Variants in TMEM117 observed in about 807,000 individuals in gnomAD.
TMEM117 encodes transmembrane protein 117.
In TMEM117, 27 loss-of-function variants were observed where a neutral mutation model predicts 52.4. The observed-to-expected ratio is 0.51, with a 90% CI of 0.38 to 0.71. The LOEUF is 0.71. TMEM117 is among the 30% of genes least tolerant of loss of function. TMEM117 has a pLI of 0.00. For missense variants in TMEM117, 556 were observed against 630.5 expected (o/e 0.88, Z 1.26); for synonymous variants, 215 against 206.3 (o/e 1.04, Z -0.36).
At position 44,304,762 on chromosome 12, in the gene TMEM117, A is replaced by G. The variant is rs144109225; in HGVS notation, c.768+5023A>G. ...GAAGGACTCAGTCCTGGCAAGATTA[A>G]TCACCCATTGTCTAAAGGGCCCTTG... On this transcript the variant is annotated intron_variant, in intron 6 of 7. Coordinates refer to ENST00000266534, the MANE Select transcript of TMEM117 (RefSeq NM_032256.3). Among the ~76,000 whole-genome samples the G allele has an allele frequency of 2.3e-4, 35 of 152,294 alleles. No individual in the cohort carries two copies. The East Asian group carries it at 6.4e-3, about 28-fold the overall frequency.
At chr12:43,956,275 A>G (rs1382345171) in intron 3 of TMEM117, among the ~76,000 whole-genome samples, 1 of 152,196 alleles carries the variant, frequency 6.6e-6, no homozygotes, top group African/African-American at 2.4e-5. Flanking sequence ...TTGCAACAAA[A>G]GCAAAAATTG....
chr12:44,340,000 C>T (rs552575703), intron 6 of TMEM117, among the ~76,000 whole-genome samples: 7 of 151,886 alleles, frequency 4.6e-5, no homozygotes, highest in Non-Finnish European at 1.0e-4. Context: ...GTAATGAAGC[C>T]ACAGCTAAAA....
chr12:44,299,836 T>C, intron 6 of TMEM117, 97 bp downstream of exon 6: 1 of 1,385,126 alleles, frequency 7.2e-7, no homozygotes, highest in Non-Finnish European at 9.8e-7. Flanking sequence ...TCTAAATAAG[T>C]ACAGCATTTA....
At chr12:44,270,450 T>G (rs999210538) in intron 5 of TMEM117, among the ~76,000 whole-genome samples, 2 of 152,174 alleles carry the variant, frequency 1.3e-5, no homozygotes, top group African/African-American at 4.8e-5. Context: ...GCTACTGATT[T>G]GTGTGCATTA....
At chr12:44,176,690 A>G (rs114170884) in intron 4 of TMEM117, among the ~76,000 whole-genome samples, 289 of 152,296 alleles carry the variant, frequency 1.9e-3, no homozygotes, top group African/African-American at 6.5e-3. Flanking sequence ...TAGTTAAACC[A>G]AAAGGAAATA....
intron 3 of TMEM117, among the ~76,000 whole-genome samples, chr12:44,014,442 G>T (rs992748674): frequency 6.6e-6 from 1 of 152,152 alleles, no homozygotes; most frequent in Non-Finnish European, 1.5e-5. Context: ...GAGGATATGA[G>T]CCCGAGGTAG....
At chr12:44,309,968 G>A (rs1950953336) in intron 6 of TMEM117, among the ~76,000 whole-genome samples, 2 of 152,298 alleles carry the variant, frequency 1.3e-5, no homozygotes, top group Non-Finnish European at 1.5e-5. Flanking sequence ...GGGCTGCATA[G>A]TTCTTAGTGG....
At chr12:44,244,932 C>A (rs1950110304) in intron 5 of TMEM117, among the ~76,000 whole-genome samples, 1 of 151,964 alleles carries the variant, frequency 6.6e-6, no homozygotes, top group Non-Finnish European at 1.5e-5. Flanking sequence ...TCCTCAGCAC[C>A]ACTTATGAAG....
intron 3 of TMEM117, among the ~76,000 whole-genome samples, chr12:44,019,381 T>G (rs562494593): frequency 2.6e-5 from 4 of 152,090 alleles, no homozygotes; most frequent in Non-Finnish European, 5.9e-5. Context: ...ACAGCAGCCC[T>G]GACAGAGTGG....
chr12:44,229,353 A>G (rs1440198812), intron 5 of TMEM117, among the ~76,000 whole-genome samples: 1 of 152,108 alleles, frequency 6.6e-6, no homozygotes, highest in Non-Finnish European at 1.5e-5. Flanking sequence ...ATTAAACATC[A>G]TGTTAGAGAT....
At chr12:44,397,869 A>T in the TMEM117 span, among the ~76,000 whole-genome samples, 4 of 152,108 alleles carry the variant, frequency 2.6e-5, no homozygotes, top group Admixed American at 2.6e-4. Flanking sequence ...GCCAGCCAGG[A>T]TTCTACACAG....
chr12:43,864,065 C>T (rs1322268073), intron 2 of TMEM117, among the ~76,000 whole-genome samples: 2 of 152,178 alleles, frequency 1.3e-5, no homozygotes, highest in African/African-American at 4.8e-5. Flanking sequence ...TGCGCTGGGT[C>T]CCCCAGCAGT....
At chr12:44,118,645 G>A (rs1168484307) in intron 3 of TMEM117, among the ~76,000 whole-genome samples, 2 of 152,180 alleles carry the variant, frequency 1.3e-5, no homozygotes, top group Non-Finnish European at 2.9e-5. Context: ...ATTGGTGAAA[G>A]TAAGGATTTT....
intron 5 of TMEM117, among the ~76,000 whole-genome samples, chr12:44,247,118 A>T (rs895807299): frequency 6.6e-6 from 1 of 152,244 alleles, no homozygotes; most frequent in African/African-American, 2.4e-5. Context: ...AAGTATTGGC[A>T]TAGGCAAAAC....
chr12:43,889,804 C>G (rs1438083518), intron 2 of TMEM117, among the ~76,000 whole-genome samples: 2 of 152,122 alleles, frequency 1.3e-5, no homozygotes, highest in African/African-American at 4.8e-5. Context: ...TTGCATCTTT[C>G]TTGCAGGTTC....
chr12:44,127,015 C>T (rs1948336915), intron 3 of TMEM117, among the ~76,000 whole-genome samples: 1 of 152,140 alleles, frequency 6.6e-6, no homozygotes, highest in African/African-American at 2.4e-5. Context: ...TGCGAAATCC[C>T]ACAGTTTAAA....
chr12:44,138,777 C>G (rs1028193463), intron 3 of TMEM117, among the ~76,000 whole-genome samples: 66 of 152,108 alleles, frequency 4.3e-4, no homozygotes, highest in Non-Finnish European at 3.2e-4. Context: ...TGAGCTCCAT[C>G]AAAGTATTTT....
At chr12:44,300,676 A>G (rs1479709955) in intron 6 of TMEM117, among the ~76,000 whole-genome samples, 1 of 152,212 alleles carries the variant, frequency 6.6e-6, no homozygotes, top group African/African-American at 2.4e-5. Context: ...TATCTTGGGC[A>G]TTAGGTTCAA....
intron 6 of TMEM117, among the ~76,000 whole-genome samples, chr12:44,300,337 C>T (rs929927317): frequency 1.3e-5 from 2 of 152,180 alleles, no homozygotes; most frequent in Admixed American, 6.5e-5. Flanking sequence ...GACTCTTTGG[C>T]GTTTTAGGAC....
Sources: gnomAD v4.1 joint callset for allele counts (sites outside exome capture counted in the v4.1 genomes callset) on GRCh38, gnomAD v4.1.1 for gene constraint, MANE v1.5 for transcripts, NCBI Gene and HGNC (gene_info 2026-07-23, HGNC 2026-07-21) for gene names.